LRRTM4: variants seen among roughly 807,000 people sequenced by gnomAD.
The protein encoded by LRRTM4 is leucine rich repeat transmembrane neuronal 4.
In LRRTM4, 25 loss-of-function variants were observed where a neutral mutation model predicts 47.6. The observed-to-expected ratio is 0.53, with a 90% CI of 0.38 to 0.73. LRRTM4 has a LOEUF of 0.73. Among genes scored for constraint, LRRTM4 ranks in the 30% least tolerant of loss-of-function variants. LRRTM4 has a pLI of 0.00. For synonymous variants in LRRTM4, 311 were observed against 269.5 expected (o/e 1.15, Z -1.51); for missense variants, 638 against 713.4 (o/e 0.89, Z 1.20).
intron 3 of LRRTM4, among the ~76,000 whole-genome samples, chr2:76,834,019 A>ATTAATTATTTAT (rs1553416834): frequency 7.1e-6 from 1 of 140,538 alleles, no homozygotes; most frequent in Non-Finnish European, 1.5e-5. Context: ...TCATTTATTT[A>ATTAATTATTTAT]TTATTTATTT....
chr2:76,773,439 TCATAA>T (rs1303590174), intron 3 of LRRTM4, among the ~76,000 whole-genome samples: 1 of 152,184 alleles, frequency 6.6e-6, no homozygotes, highest in Non-Finnish European at 1.5e-5. Flanking sequence ...TTGACAAAAC[TCATAA>T]CATTTCAGTG....
intron 3 of LRRTM4, among the ~76,000 whole-genome samples, chr2:76,818,414 C>T (rs1670961506): frequency 6.6e-6 from 1 of 151,670 alleles, no homozygotes; most frequent in Non-Finnish European, 1.5e-5. Context: ...TTCCCACAAC[C>T]AGGGCTGAAC....
chr2:77,061,936 TAAAC>T (rs1035876680), intron 3 of LRRTM4, among the ~76,000 whole-genome samples: 2 of 152,188 alleles, frequency 1.3e-5, no homozygotes, highest in African/African-American at 4.8e-5. Flanking sequence ...ATGAGCCAAT[TAAAC>T]AAAATATTTA....
At chr2:76,896,738 G>A (rs1473780065) in intron 3 of LRRTM4, among the ~76,000 whole-genome samples, 1 of 150,346 alleles carries the variant, frequency 6.7e-6, no homozygotes, top group African/African-American at 2.5e-5. Flanking sequence ...TTTCAAATAA[G>A]CCAGAGTTTA....
In LRRTM4 at chr2:76,829,222, G is replaced by A. The variant is rs552121073; in HGVS notation, c.1552-80306C>T. Among the ~76,000 whole-genome samples the A allele has an allele frequency of 1.5e-3, 222 of 152,078 alleles. 2 individuals are homozygous for A. Among genetic ancestry groups the A allele is most frequent in the Non-Finnish European group, 2.6e-3 (177 of 67,960 alleles). ...TAACCCAAGAGCAACTGTTGGCTGG[G>A]TAATGAGATAATTATAGGCAGAATT... On this transcript the variant is annotated intron_variant, in intron 3 of 3. Coordinates refer to ENST00000409884, the MANE Select transcript of LRRTM4 (RefSeq NM_001134745.3).
At chr2:77,309,102 A>G (rs190097892) in intron 3 of LRRTM4, among the ~76,000 whole-genome samples, 8 of 152,194 alleles carry the variant, frequency 5.3e-5, no homozygotes, top group African/African-American at 1.9e-4. Flanking sequence ...GTGAGTTAGA[A>G]ATAAAAAAGC....
intron 3 of LRRTM4, among the ~76,000 whole-genome samples, chr2:77,260,521 C>A (rs1675892922): frequency 2.0e-5 from 3 of 151,944 alleles, no homozygotes; most frequent in Admixed American, 1.3e-4. Flanking sequence ...CACAAGTTAA[C>A]AATATGTTTT....
intron 3 of LRRTM4, among the ~76,000 whole-genome samples, chr2:77,482,942 A>G (rs201817016): frequency 6.6e-6 from 1 of 151,356 alleles, no homozygotes; most frequent in Non-Finnish European, 1.5e-5. Flanking sequence ...CCAACATGGT[A>G]AAACCCTGTC....
intron 3 of LRRTM4, among the ~76,000 whole-genome samples, chr2:76,870,545 C>CT (rs1229646790): frequency 6.6e-6 from 1 of 152,054 alleles, no homozygotes; most frequent in Non-Finnish European, 1.5e-5. Flanking sequence ...GGCCAATGAA[C>CT]TTTTTTTTCC....
At chr2:76,992,479 T>C (rs918935510) in intron 3 of LRRTM4, among the ~76,000 whole-genome samples, 1 of 151,582 alleles carries the variant, frequency 6.6e-6, no homozygotes, top group African/African-American at 2.4e-5. Flanking sequence ...TGTATCTATA[T>C]ACAAATAATG....
At chr2:77,349,247 A>G (rs1671673790) in intron 3 of LRRTM4, among the ~76,000 whole-genome samples, 1 of 152,046 alleles carries the variant, frequency 6.6e-6, no homozygotes, top group Non-Finnish European at 1.5e-5. Context: ...TTAAAAAATA[A>G]AACTCTAGCT....
intron 3 of LRRTM4, among the ~76,000 whole-genome samples, chr2:77,107,696 T>C (rs57853070): frequency 0.012 from 1,786 of 151,500 alleles, 39 homozygotes; most frequent in African/African-American, 0.041. Context: ...TGCATGCCTG[T>C]AATCCTAGCT....
At chr2:77,142,191 A>G (rs1376357370) in intron 3 of LRRTM4, among the ~76,000 whole-genome samples, 1 of 152,166 alleles carries the variant, frequency 6.6e-6, no homozygotes, top group East Asian at 1.9e-4. Flanking sequence ...AACATTTGCA[A>G]TTAACTCCCT....
intron 3 of LRRTM4, among the ~76,000 whole-genome samples, chr2:77,130,990 AC>A (rs1477737413): frequency 2.1e-5 from 3 of 143,948 alleles, no homozygotes; most frequent in Non-Finnish European, 4.5e-5. Flanking sequence ...GCCCGCCACT[AC>A]GCCCGGCTAA....
chr2:77,205,587 A>C (rs1674101689), intron 3 of LRRTM4, among the ~76,000 whole-genome samples: 1 of 152,138 alleles, frequency 6.6e-6, no homozygotes, highest in Admixed American at 6.6e-5. Flanking sequence ...GAGCACAAAG[A>C]GGAAGAGGGA....
intron 3 of LRRTM4, among the ~76,000 whole-genome samples, chr2:76,786,414 A>G (rs1459133298): frequency 6.6e-6 from 1 of 152,120 alleles, no homozygotes; most frequent in Non-Finnish European, 1.5e-5. Context: ...TTTTAACAGT[A>G]TTTTTATCTT....
At chr2:77,168,231 T>C (rs762753379) in intron 3 of LRRTM4, among the ~76,000 whole-genome samples, 2 of 152,118 alleles carry the variant, frequency 1.3e-5, no homozygotes, top group Admixed American at 1.3e-4. Flanking sequence ...ACTCAAAGTA[T>C]ACAAATGTCA....
At chr2:77,005,139 G>C (rs62170208) in intron 3 of LRRTM4, among the ~76,000 whole-genome samples, 18,940 of 151,880 alleles carry the variant, frequency 0.12, 1,442 homozygotes, top group Admixed American at 0.2. Context: ...AGGCATGATT[G>C]TTTTTGTTTT....
chr2:76,794,895 T>G (rs1341382209), intron 3 of LRRTM4, among the ~76,000 whole-genome samples: 1 of 152,102 alleles, frequency 6.6e-6, no homozygotes, highest in Non-Finnish European at 1.5e-5. Context: ...GAACCACAGT[T>G]GTAGAAAAAT....
Sources: allele counts gnomAD v4.1 joint callset (sites outside exome capture counted in the v4.1 genomes callset), GRCh38; gene constraint gnomAD v4.1.1; transcripts MANE v1.5; gene names NCBI Gene and HGNC (gene_info 2026-07-23, HGNC 2026-07-21).